The following TSR1 variants were observed in gnomAD, a reference collection of about 807,000 sequenced individuals.
TSR1 encodes the protein TSR1 ribosome maturation factor, also known as pre-rRNA-processing protein TSR1 homolog.
Under a neutral mutation model 90.9 loss-of-function variants are expected in TSR1, and 81 were observed. The ratio of observed to expected loss-of-function variants is 0.89; its 90% CI spans 0.74 to 1.07. The LOEUF is 1.07. Among genes scored for constraint, TSR1 ranks in the 50% least tolerant of loss-of-function variants. The probability of loss-of-function intolerance (pLI) is 0.00; values close to 1 mark genes in which losing one functional copy is unlikely to be tolerated. For synonymous variants in TSR1, 362 were observed against 348.8 expected, an observed-to-expected ratio of 1.04 and a Z score of -0.42; for missense variants, 989 against 987.3, an observed-to-expected ratio of 1.00 and a Z score of -0.02.
chr17:2,324,090 G>A lies in TSR1; in HGVS notation c.*106C>T. Reference sequence around the variant, plus strand: ...AAAAAGTCTTGCAAAATGGGGCAGTGGACTGACAGGCTGACATAGAAAATA... The same window carrying A: ...AAAAAGTCTTGCAAAATGGGGCAGTAGACTGACAGGCTGACATAGAAAATA... On this transcript the variant is annotated 3_prime_UTR_variant, in exon 15 of 15. Transcript: ENST00000301364. The A allele has an allele frequency of 7.0e-7, 1 of 1,424,340 alleles. No individual in the cohort carries two copies. The highest frequency in any genetic ancestry group is 1.4e-5 in the South Asian group (1 of 69,362). 88.2% of individuals were successfully genotyped at this position (1,424,340 alleles called of 1,614,324 possible).
intron 10 of TSR1, 67 bp downstream of exon 10, chr17:2,330,448 T>C: frequency 6.8e-7 from 1 of 1,470,536 alleles, no homozygotes; most frequent in Non-Finnish European, 9.5e-7. Flanking sequence ...ATAAACAGAA[T>C]TTTAGACTGT....
At chr17:2,328,919 CAAAAAAAAA>C (rs56003468) in intron 11 of TSR1, 55 of 92,438 alleles carry the variant, frequency 5.9e-4, no homozygotes, top group African/African-American at 2.1e-3. Context: ...GACTCCGTCT[CAAAAAAAAA>C]AAAAAAAAAA....
chr17:2,324,796 A>G lies in TSR1; in HGVS notation c.2054T>C (p.Met685Thr), dbSNP rs538071594. ...GACCATTCTGTCTGGATCTACTGAC[A>G]TAAGATGGCCTGTAGCAATGAGGCT... ...MHSLIATGHL[M>T]SVDPDRMVIK... The change falls in exon 13 of 15, where the codon ATG becomes ACG. Residue 685 changes from methionine (M) to threonine (T), a missense_variant. Physicochemically the swap from Met to Thr is moderately conservative, Grantham distance 81. Coordinates refer to ENST00000301364, the MANE Select transcript of TSR1 (RefSeq NM_018128.5). The G allele has an allele frequency of 7.4e-6, 12 of 1,614,134 alleles. No homozygotes were observed. Among genetic ancestry groups the G allele is most frequent in the East Asian group, 4.5e-5 (2 of 44,892 alleles).
intron 14 of TSR1, 62 bp from the exon 15 acceptor site, chr17:2,324,436 C>G (rs1281150051): frequency 6.2e-7 from 1 of 1,610,428 alleles, no homozygotes; most frequent in Non-Finnish European, 8.5e-7. Flanking sequence ...GCAATGACTT[C>G]CAACCCAACA....
chr17:2,333,829 A>C, intron 5 of TSR1, 113 bp from the exon 6 acceptor site: 1 of 1,334,418 alleles, frequency 7.5e-7, no homozygotes, highest in African/African-American at 1.5e-5. Context: ...TGAGTGCGAC[A>C]GAATGCTAAA....
At chr17:2,325,726 C>T (rs1211858218) in intron 11 of TSR1, among the ~76,000 whole-genome samples, 1 of 151,980 alleles carries the variant, frequency 6.6e-6, no homozygotes, top group Non-Finnish European at 1.5e-5. Context: ...AGTTCTCCTG[C>T]CTCAGCCTCC....
chr17:2,323,806 T>A lies in TSR1; in HGVS notation c.*390A>T, dbSNP rs1567780840. The A allele has an allele frequency of 6.2e-7, 1 of 1,614,222 alleles. No individual in the cohort carries two copies. Among genetic ancestry groups the A allele is most frequent in the Non-Finnish European group, 8.5e-7 (1 of 1,180,044 alleles). Reference sequence around the variant, plus strand: ...GTGCTCAGTGGTGGAAATGTAGACTTAACCTCCTCCATAACTTGGGTGAAG... The same window carrying A: ...GTGCTCAGTGGTGGAAATGTAGACTAAACCTCCTCCATAACTTGGGTGAAG... On this transcript the variant is annotated 3_prime_UTR_variant, in exon 15 of 15. Coordinates refer to ENST00000301364, the MANE Select transcript of TSR1 (RefSeq NM_018128.5).
chr17:2,336,042 CCTT>C lies in TSR1; in HGVS notation c.193_195del (p.Lys65del), dbSNP rs1351262354. 16 of 1,614,094 alleles carry C rather than the reference CCTT, an allele frequency of 9.9e-6. No individual in the cohort carries two copies. The highest frequency in any genetic ancestry group is 7.7e-5 in the South Asian group (7 of 91,086). ...CCAAATCCCGCTCCTCTCACCGCCT[CCTT>C]CTTCTGCTTTCGGAGCTGGCTGGCG... On this transcript the variant is annotated inframe_deletion, in exon 2 of 15. Transcript: ENST00000301364.
Position 2,324,310 on chromosome 17 carries a change from C to G in TSR1, c.2301G>C (p.Met767Ile). The G allele has an allele frequency of 6.4e-7, 1 of 1,568,284 alleles. No homozygotes were observed. The highest frequency in any genetic ancestry group is 8.6e-7 in the Non-Finnish European group (1 of 1,160,694). The change falls in exon 15 of 15, where the codon ATG (methionine) becomes ATC (isoleucine). Residue 767 changes from methionine to isoleucine, a missense_variant. By Grantham distance (10) the Met-to-Ile change is conservative. Transcript: ENST00000301364. ...TGGGGAAGACTCGTTTATACAGGTT[C>G]ATCAGTACTGTGTCTTGAGATTTTA... ...GKLKSQDTVL[M>I]NLYKRVFPKW... is the part of the protein sequence containing the mutation.
chr17:2,333,797 A>G lies in TSR1; in HGVS notation c.982-81T>C, dbSNP rs913044720. The G allele has an allele frequency of 1.9e-6, 3 of 1,556,142 alleles. No homozygotes were observed. In the African/African-American group the frequency reaches 4.1e-5, roughly 21 times the overall value. ...ACACAGTAACCAGAAAGACCCAGAA[A>G]TATCAGTCCTCATGTATAAGATGAG... is the stretch of plus-strand genomic sequence containing the variant. On this transcript the variant is annotated intron_variant, in intron 5 of 14. Coordinates refer to ENST00000301364, the MANE Select transcript of TSR1 (RefSeq NM_018128.5).
chr17:2,323,277 T>C lies in TSR1; in HGVS notation c.*919A>G. Reference sequence around the variant, plus strand: ...AGATGGTGTCAAATCCAGCATTGGCTTGAACACCTGGCCTATTATCAGGGA... The same window carrying C: ...AGATGGTGTCAAATCCAGCATTGGCCTGAACACCTGGCCTATTATCAGGGA... On this transcript the variant is annotated 3_prime_UTR_variant, in exon 15 of 15. Coordinates refer to ENST00000301364, the MANE Select transcript of TSR1 (RefSeq NM_018128.5). The C allele has an allele frequency of 6.2e-7, 1 of 1,614,168 alleles. No individual in the cohort carries two copies. Among genetic ancestry groups the C allele is most frequent in the Non-Finnish European group, 8.5e-7 (1 of 1,179,998 alleles).
chr17:2,332,890 A>G, intron 7 of TSR1, 71 bp downstream of exon 7: 8 of 1,464,948 alleles, frequency 5.5e-6, no homozygotes, highest in Non-Finnish European at 7.4e-6. Flanking sequence ...CACACCCATC[A>G]AGATCACACC....
Position 2,323,114 on chromosome 17 carries a change from G to A in TSR1, c.*1082C>T, listed in dbSNP as rs368381442. The stretch of plus-strand genomic sequence containing the variant: ...CAATGTTGTGGTTTGTTGTTAAGAT[G>A]TCTTAATATTCCTCTTCCCAGGCTC... On this transcript the variant is annotated 3_prime_UTR_variant, in exon 15 of 15. Coordinates refer to ENST00000301364, the MANE Select transcript of TSR1 (RefSeq NM_018128.5). 5.6e-6 allele frequency: 9 copies of A among 1,612,372 alleles called. No homozygotes were observed. The highest frequency in any genetic ancestry group is 7.6e-6 in the Non-Finnish European group (9 of 1,178,552).
chr17:2,335,781 C>T (rs779379667), intron 2 of TSR1, 51 bp from the exon 3 acceptor site: 4 of 1,566,018 alleles, frequency 2.6e-6, no homozygotes, highest in East Asian at 2.3e-5. Flanking sequence ...GTACTTCACT[C>T]CAGCATTGCA....
Position 2,334,371 on chromosome 17 carries a change from G to A in TSR1, c.981+101C>T, listed in dbSNP as rs146033950. ...ACTATTGCCTTACTTCAGACTAGCA[G>A]TCTCCTCATTCACCTAAGTGTACAG... On this transcript the variant is annotated intron_variant, in intron 5 of 14. Coordinates refer to ENST00000301364, the MANE Select transcript of TSR1 (RefSeq NM_018128.5). The A allele has an allele frequency of 1.5e-4, 185 of 1,253,348 alleles. No individual in the cohort carries two copies. The African/African-American group carries it at 2.4e-3, about 16-fold the overall frequency. The allele number at this position is 1,253,348 out of a possible 1,614,324, so 77.6% of individuals were successfully genotyped here. A position where few individuals can be genotyped will look rare whatever the true frequency, so the allele number is the denominator to read the frequency against.
At chr17:2,329,613 G>T in intron 10 of TSR1, 138 bp from the exon 11 acceptor site, 2 of 1,047,908 alleles carry the variant, frequency 1.9e-6, no homozygotes, top group South Asian at 1.6e-5. Context: ...GAGTGTAGAT[G>T]CTGAAACACG....
chr17:2,324,593 C>A lies in TSR1; in HGVS notation c.2162-15G>T. ...CAGCACATCCTCTTAGAATCAAACA[C>A]ATTAAAGACCAAGATGAAACATTTA... On this transcript the variant is annotated splice_polypyrimidine_tract_variant and intron_variant, in intron 13 of 14. Transcript: ENST00000301364. The A allele has an allele frequency of 6.2e-7, 1 of 1,614,152 alleles. No individual in the cohort carries two copies. Among genetic ancestry groups the A allele is most frequent in the Non-Finnish European group, 8.5e-7 (1 of 1,180,038 alleles).
intron 5 of TSR1, 87 bp from the exon 6 acceptor site, chr17:2,333,803 G>T: frequency 1.3e-6 from 2 of 1,528,844 alleles, no homozygotes; most frequent in East Asian, 4.5e-5. Context: ...AGAAATATCA[G>T]TCCTCATGTA....
Position 2,322,510 on chromosome 17 carries a change from T to G in TSR1, c.*1686A>C, listed in dbSNP as rs2075538438. ...TATTACTTATTGTGCCTATTTTCTT[T>G]TTTTTTTTGAGACGGAGTCTCACTC... On this transcript the variant is annotated 3_prime_UTR_variant, in exon 15 of 15. Coordinates refer to ENST00000301364, the MANE Select transcript of TSR1 (RefSeq NM_018128.5). 6.6e-6 allele frequency: 1 copy of G among 152,214 alleles called. No individual in the cohort carries two copies. The highest frequency in any genetic ancestry group is 1.5e-5 in the Non-Finnish European group (1 of 68,156). The allele number at this position is 152,214 out of a possible 1,614,324, so 9.4% of individuals were successfully genotyped here. A position where few individuals can be genotyped will look rare whatever the true frequency, so the allele number is the denominator to read the frequency against.
Sources: gnomAD v4.1 joint callset for allele counts (sites outside exome capture counted in the v4.1 genomes callset) on GRCh38, gnomAD v4.1.1 for gene constraint, MANE v1.5 for transcripts, NCBI Gene and HGNC (gene_info 2026-07-23, HGNC 2026-07-21) for gene names.